Variants in TBC1D1 observed in about 807,000 individuals in gnomAD.
TBC1D1 encodes TBC1 domain family member 1, also known as TBC1 (tre-2/USP6, BUB2, cdc16) domain family, member 1.
TBC1D1 carries 89 observed loss-of-function variants against 125.6 expected under a neutral mutation model. The ratio of observed to expected loss-of-function variants is 0.71; its 90% CI spans 0.60 to 0.85. The LOEUF (loss-of-function observed/expected upper bound fraction) is 0.85, where lower values mean the gene tolerates loss of function less well. Among genes scored for constraint, TBC1D1 ranks in the 40% least tolerant of loss-of-function variants. The pLI is 0.00. For missense variants in TBC1D1, 1,377 were observed against 1,469.2 expected, an observed-to-expected ratio of 0.94 and a Z score of 1.03; for synonymous variants, 565 against 564.1, an observed-to-expected ratio of 1.00 and a Z score of -0.02.
chr4:38,049,497 A>G, intron 10 of TBC1D1, 121 bp from the exon 11 acceptor site: 2 of 1,209,082 alleles, frequency 1.7e-6, no homozygotes, highest in East Asian at 2.4e-5. Flanking sequence ...TGGCTTCTAG[A>G]TGGCATTATA....
intron 11 of TBC1D1, 56 bp from the exon 12 acceptor site, chr4:38,051,843 C>T: frequency 6.6e-7 from 1 of 1,518,276 alleles, no homozygotes; most frequent in South Asian, 1.2e-5. Flanking sequence ...CTCCGTGTCC[C>T]TGTCGGCGCC....
intron 14 of TBC1D1, among the ~76,000 whole-genome samples, chr4:38,100,850 A>G (rs1390970594): frequency 2.0e-5 from 3 of 152,234 alleles, no homozygotes; most frequent in Non-Finnish European, 4.4e-5. Flanking sequence ...TGGTTATTTT[A>G]TCATTAATTG....
chr4:38,110,681 A>G, intron 15 of TBC1D1: 1 of 985,454 alleles, frequency 1.0e-6, no homozygotes, highest in South Asian at 4.7e-5. Flanking sequence ...TTTATATGTG[A>G]AGGTAATCTG....
chr4:38,083,178 G>C (rs2152527877), intron 12 of TBC1D1, among the ~76,000 whole-genome samples: 1 of 152,238 alleles, frequency 6.6e-6, no homozygotes, highest in Non-Finnish European at 1.5e-5. Context: ...CTGCCTGCCA[G>C]GATATGGTTA....
At chr4:37,987,694 T>C (rs1163118986) in intron 2 of TBC1D1, among the ~76,000 whole-genome samples, 1 of 152,112 alleles carries the variant, frequency 6.6e-6, no homozygotes, top group African/African-American at 2.4e-5. Flanking sequence ...ACATAGAAGA[T>C]TGAAGGTGAA....
At chr4:38,074,525 G>T (rs1254203511) in intron 12 of TBC1D1, among the ~76,000 whole-genome samples, 1 of 152,036 alleles carries the variant, frequency 6.6e-6, no homozygotes, top group Non-Finnish European at 1.5e-5. Context: ...TTCTATGTTG[G>T]GCCTGGATGT....
In TBC1D1 at chr4:38,006,068, A is replaced by T. The variant is rs959503555; in HGVS notation, c.418-8441A>T. On this transcript the variant is annotated intron_variant, in intron 2 of 19. Coordinates refer to ENST00000261439, the MANE Select transcript of TBC1D1 (RefSeq NM_015173.4). ...TAGCAGGGAGCAGAGAGGGCATGGG[A>T]ATAAGGTGCAAGCATTCAAACATGA... Among the ~76,000 whole-genome samples, 4 of 152,182 alleles carry T rather than the reference A, an allele frequency of 2.6e-5. No homozygotes were observed. The East Asian group carries it at 5.8e-4, about 22-fold the overall frequency.
chr4:38,006,701 A>T (rs368724041), intron 2 of TBC1D1: 13 of 312,682 alleles, frequency 4.2e-5, no homozygotes, highest in South Asian at 3.1e-5. Flanking sequence ...GGATGGGCTC[A>T]ATCTCCTGAC....
chr4:38,118,942 G>A (rs531086602), intron 17 of TBC1D1, among the ~76,000 whole-genome samples: 15 of 152,314 alleles, frequency 9.8e-5, no homozygotes, highest in African/African-American at 2.2e-4. Context: ...GGCTGTCCAC[G>A]TGCGCATCAG....
chr4:38,065,118 A>G (rs910523737), intron 12 of TBC1D1, among the ~76,000 whole-genome samples: 1 of 151,962 alleles, frequency 6.6e-6, no homozygotes, highest in Admixed American at 6.6e-5. Flanking sequence ...TTTATTTTTT[A>G]ATAGAGACGG....
chr4:38,072,974 G>T (rs1754962277), intron 12 of TBC1D1, among the ~76,000 whole-genome samples: 1 of 151,308 alleles, frequency 6.6e-6, no homozygotes, highest in South Asian at 2.1e-4. Flanking sequence ...CCTTTTTTTT[G>T]AGTTATATTC....
chr4:37,936,122 C>T (rs931979764), intron 2 of TBC1D1, among the ~76,000 whole-genome samples: 8 of 152,174 alleles, frequency 5.3e-5, no homozygotes, highest in African/African-American at 1.9e-4. Context: ...TCCTCCCTTA[C>T]TTTACAAGAC....
At chr4:37,927,467 A>G (rs979549993) in intron 2 of TBC1D1, among the ~76,000 whole-genome samples, 1 of 152,146 alleles carries the variant, frequency 6.6e-6, no homozygotes, top group Non-Finnish European at 1.5e-5. Flanking sequence ...TGTTTAACTC[A>G]TATTTTCTTT....
rs1742258642 is a variant in TBC1D1, at chr4:38,014,660, C to T, written c.569C>T (p.Pro190Leu). 6.2e-7 allele frequency: 1 copy of T among 1,613,242 alleles called. No homozygotes were observed. The stretch of plus-strand genomic sequence containing the variant: ...ACGGTGGCGCACAAGAAGGCTCCGC[C>T]GGCCCTGATCGACGAGTGCATCGAG... The change falls in exon 3 of 20, where the codon CCG (proline) becomes CTG (leucine). Residue 190 changes from proline (P) to leucine (L), a missense_variant. Transcript: ENST00000261439. The surrounding 1 kb of genome is among the most constrained non-coding windows in gnomAD (Gnocchi z 5.1).
intron 1 of TBC1D1, among the ~76,000 whole-genome samples, chr4:37,892,937 A>G (rs1443622522): frequency 2.0e-5 from 3 of 152,178 alleles, no homozygotes; most frequent in Admixed American, 6.6e-5. Flanking sequence ...GAAGGCTGCA[A>G]TGACAATGAG....
chr4:37,919,689 C>G (rs1329972335), intron 2 of TBC1D1, among the ~76,000 whole-genome samples: 1 of 152,154 alleles, frequency 6.6e-6, no homozygotes, highest in East Asian at 1.9e-4. Context: ...TCTTTTGACA[C>G]TATCAATGCT....
chr4:37,960,798 C>A (rs749718209), intron 2 of TBC1D1: 2 of 1,614,170 alleles, frequency 1.2e-6, no homozygotes, highest in South Asian at 2.2e-5. Flanking sequence ...TCCCTTCAAT[C>A]TTCTAGACTT....
intron 19 of TBC1D1, among the ~76,000 whole-genome samples, chr4:38,136,439 A>G (rs538284652): frequency 1.3e-5 from 2 of 152,278 alleles, no homozygotes; most frequent in South Asian, 4.2e-4. Flanking sequence ...TTCCGGGGTA[A>G]ATGCCTGTGT....
chr4:38,021,505 T>C (rs1290554837), intron 5 of TBC1D1, 81 bp from the exon 6 acceptor site: 3 of 1,312,248 alleles, frequency 2.3e-6, no homozygotes, highest in Non-Finnish European at 3.0e-6. Flanking sequence ...AAAAATCTTT[T>C]CCAAAGATTT....
Sources: allele counts gnomAD v4.1 joint callset (sites outside exome capture counted in the v4.1 genomes callset), GRCh38; gene constraint gnomAD v4.1.1; non-coding constraint Gnocchi (gnomAD v3.1); transcripts MANE v1.5; gene names NCBI Gene and HGNC (gene_info 2026-07-23, HGNC 2026-07-21).